CNTN4: variants seen among roughly 807,000 people sequenced by gnomAD.
CNTN4 encodes the protein contactin-4.
CNTN4 carries 77 observed loss-of-function variants against 122.5 expected under a neutral mutation model. The ratio of observed to expected loss-of-function variants is 0.63; its 90% CI spans 0.52 to 0.76. CNTN4 has a LOEUF of 0.76. Among genes scored for constraint, CNTN4 ranks in the 30% least tolerant of loss-of-function variants. The probability of loss-of-function intolerance (pLI) is 0.00; values close to 1 mark genes in which losing one functional copy is unlikely to be tolerated. For synonymous variants in CNTN4, 512 were observed against 447.0 expected (o/e 1.15, Z -1.83); for missense variants, 1,256 against 1,259.1 (o/e 1.00, Z 0.04).
intron 3 of CNTN4, among the ~76,000 whole-genome samples, chr3:2,447,076 A>G (rs1238364431): frequency 1.3e-5 from 2 of 152,198 alleles, no homozygotes; most frequent in African/African-American, 4.8e-5. Context: ...TATGCTTGAC[A>G]CTATCATTAT....
intron 3 of CNTN4, among the ~76,000 whole-genome samples, chr3:2,395,554 T>A (rs1559515753): frequency 6.6e-6 from 1 of 152,220 alleles, no homozygotes; most frequent in African/African-American, 2.4e-5. Context: ...ACCCACGCAG[T>A]GAGCATAGTA....
At chr3:2,264,087 T>C (rs1559392015) in intron 2 of CNTN4, among the ~76,000 whole-genome samples, 1 of 152,206 alleles carries the variant, frequency 6.6e-6, no homozygotes, top group Non-Finnish European at 1.5e-5. Context: ...GCAGTGCAGA[T>C]ATCTCTTCCA....
chr3:2,540,570 G>A (rs945973283), intron 3 of CNTN4, among the ~76,000 whole-genome samples: 27 of 152,052 alleles, frequency 1.8e-4, no homozygotes, highest in Non-Finnish European at 2.8e-4. Flanking sequence ...AAAGTAGTAG[G>A]AGTTTCAGTA....
At chr3:2,264,895 A>C (rs2040979610) in intron 2 of CNTN4, among the ~76,000 whole-genome samples, 1 of 152,084 alleles carries the variant, frequency 6.6e-6, no homozygotes, top group Admixed American at 6.6e-5. Flanking sequence ...TTGGGGGAAC[A>C]GGTGGTATTT....
chr3:2,383,295 C>T (rs1280256289), intron 3 of CNTN4, among the ~76,000 whole-genome samples: 2 of 152,052 alleles, frequency 1.3e-5, no homozygotes, highest in Non-Finnish European at 2.9e-5. Context: ...TTTATCCAAC[C>T]TCTGTTTAAA....
chr3:2,830,303 A>T (rs1328253367), intron 7 of CNTN4, among the ~76,000 whole-genome samples: 1 of 152,230 alleles, frequency 6.6e-6, no homozygotes, highest in African/African-American at 2.4e-5. Flanking sequence ...ATCCAAAAAA[A>T]ATTAAAAAGA....
intron 14 of CNTN4, among the ~76,000 whole-genome samples, chr3:3,006,636 T>C (rs1023737511): frequency 2.0e-5 from 3 of 152,212 alleles, no homozygotes; most frequent in African/African-American, 7.2e-5. Flanking sequence ...AAGTAACTAC[T>C]GAGCAAATTA....
chr3:2,748,291 A>C (rs184077984), intron 6 of CNTN4, among the ~76,000 whole-genome samples: 161 of 152,344 alleles, frequency 1.1e-3, no homozygotes, highest in African/African-American at 3.6e-3. Flanking sequence ...ATAAATTCCT[A>C]TTCATCCAGT....
Position 3,053,980 on chromosome 3 carries a change from G to T in CNTN4, c.2980+5G>T. The T allele has an allele frequency of 6.2e-7, 1 of 1,614,096 alleles. No homozygotes were observed. On this transcript the variant is annotated splice_donor_5th_base_variant and intron_variant, in intron 24 of 24. Transcript: ENST00000418658. ...TTCGAATTCCAAAGATATCAAGTGAGAATGCCTTTTTTTCTCCCTTTTCTC... is the reference window on the plus strand; with the variant it reads ...TTCGAATTCCAAAGATATCAAGTGATAATGCCTTTTTTTCTCCCTTTTCTC...
chr3:2,748,015 A>G (rs72993613), intron 6 of CNTN4, among the ~76,000 whole-genome samples: 81 of 152,300 alleles, frequency 5.3e-4, no homozygotes, highest in South Asian at 3.3e-3. Flanking sequence ...TTTCTTCCCA[A>G]TTAATTAATC....
At position 3,000,342 on chromosome 3, in the gene CNTN4, C is replaced by A. The variant is rs201420689; in HGVS notation, c.1486+11870C>A. 1.4e-4 allele frequency among the ~76,000 whole-genome samples: 21 copies of A among 149,004 alleles called. 1 individual carries two copies. In the East Asian group the frequency reaches 3.6e-3, roughly 25 times the overall value. On this transcript the variant is annotated intron_variant, in intron 14 of 24. Transcript: ENST00000418658. Reference sequence around the variant, plus strand: ...AGAGTGACAACTGGGATGATAGGAACAGCTGTAGAAACTGAGGCTGGGTAA... The same window carrying A: ...AGAGTGACAACTGGGATGATAGGAAAAGCTGTAGAAACTGAGGCTGGGTAA...
At chr3:2,593,064 C>T (rs67480504) in intron 4 of CNTN4, among the ~76,000 whole-genome samples, 32,596 of 152,090 alleles carry the variant, frequency 0.21, 3,621 homozygotes, top group South Asian at 0.3. Context: ...ATAACACCCA[C>T]TCAGCTCTCC....
chr3:2,671,126 T>C (rs1384227462), intron 4 of CNTN4, among the ~76,000 whole-genome samples: 5 of 152,178 alleles, frequency 3.3e-5, no homozygotes, highest in South Asian at 2.1e-4. Context: ...TTTCCTGAAT[T>C]TGAATGTTGG....
intron 4 of CNTN4, among the ~76,000 whole-genome samples, chr3:2,705,328 A>G (rs2086598302): frequency 7.0e-6 from 1 of 143,290 alleles, no homozygotes; most frequent in Non-Finnish European, 1.5e-5. Flanking sequence ...AGATTGTGCC[A>G]CTGCACTCCA....
At chr3:2,926,509 A>G (rs550996730) in intron 13 of CNTN4, among the ~76,000 whole-genome samples, 6 of 152,256 alleles carry the variant, frequency 3.9e-5, no homozygotes, top group Admixed American at 1.3e-4. Context: ...ACCTTTTTCT[A>G]TAATCTACTT....
intron 13 of CNTN4, among the ~76,000 whole-genome samples, chr3:2,970,417 G>C (rs1397652755): frequency 6.6e-6 from 1 of 151,968 alleles, no homozygotes; most frequent in African/African-American, 2.4e-5. Context: ...CTATTGACTA[G>C]AATGCCTTAA....
intron 3 of CNTN4, among the ~76,000 whole-genome samples, chr3:2,383,802 C>T (rs1017608964): frequency 6.6e-6 from 1 of 150,808 alleles, no homozygotes; most frequent in Non-Finnish European, 1.5e-5. Context: ...TTCCTCTCTT[C>T]TCCCTCTGTC....
At chr3:3,055,006 A>G (rs981503229) in intron 24 of CNTN4, among the ~76,000 whole-genome samples, 1 of 152,174 alleles carries the variant, frequency 6.6e-6, no homozygotes, top group African/African-American at 2.4e-5. Flanking sequence ...ATTATGGACA[A>G]AATCCTCACC....
At chr3:2,547,558 C>A (rs2078301218) in intron 3 of CNTN4, among the ~76,000 whole-genome samples, 1 of 152,114 alleles carries the variant, frequency 6.6e-6, no homozygotes, top group Non-Finnish European at 1.5e-5. Context: ...AGCCATCATG[C>A]CTGGCCATGA....
Sources: gnomAD v4.1 joint callset for allele counts (sites outside exome capture counted in the v4.1 genomes callset) on GRCh38, gnomAD v4.1.1 for gene constraint, MANE v1.5 for transcripts, NCBI Gene and HGNC (gene_info 2026-07-23, HGNC 2026-07-21) for gene names.